Variants in POLI observed in about 807,000 individuals in gnomAD.
POLI encodes RAD30 homolog B.
POLI carries 58 observed loss-of-function variants against 51.6 expected under a neutral mutation model. That is an observed-to-expected ratio of 1.12 (90% CI 0.91 to 1.40). The LOEUF (loss-of-function observed/expected upper bound fraction) is 1.40, where lower values mean the gene tolerates loss of function less well. POLI is among the 40% of genes most tolerant of loss of function. POLI has a pLI of 0.00. For synonymous variants in POLI, 322 were observed against 299.7 expected, an observed-to-expected ratio of 1.07 and a Z score of -0.77; for missense variants, 921 against 871.3, an observed-to-expected ratio of 1.06 and a Z score of -0.72.
intron 1 of POLI, chr18:54,270,946 G>A (rs2086978129): frequency 6.5e-6 from 1 of 154,282 alleles, no homozygotes; most frequent in African/African-American, 2.4e-5. Flanking sequence ...AGTTTTTGTT[G>A]GTTTGTTTGT....
rs1288130416 is a variant in POLI at position 54,296,211 on chromosome 18, G to T, written c.*1744G>T. The stretch of plus-strand genomic sequence containing the variant: ...TGTAATGATTTCAGGACCTTGGACA[G>T]CTAGAAGGGGCTTAAGAAAAAATGG... On this transcript the variant is annotated 3_prime_UTR_variant, in exon 10 of 10. Coordinates refer to ENST00000579534, the MANE Select transcript of POLI (RefSeq NM_007195.3). 5 of 985,184 alleles carry T rather than the reference G, an allele frequency of 5.1e-6. No homozygotes were observed. The highest frequency in any genetic ancestry group is 6.0e-6 in the Non-Finnish European group (5 of 829,812). 61.0% of individuals were successfully genotyped at this position (985,184 alleles called of 1,614,324 possible).
downstream of POLI, among the ~76,000 whole-genome samples, chr18:54,298,943 AC>A (rs2088441449): frequency 6.6e-6 from 1 of 152,168 alleles, no homozygotes; most frequent in African/African-American, 2.4e-5. Flanking sequence ...AAAGTGATCT[AC>A]TTTAGTAAAT....
At chr18:54,316,134 C>T (rs564480014) in intron 3 of POLI, among the ~76,000 whole-genome samples, 1 of 152,092 alleles carries the variant, frequency 6.6e-6, no homozygotes, top group Non-Finnish European at 1.5e-5. Flanking sequence ...AGACTGGTTT[C>T]AAAGTCCTGG....
In POLI at chr18:54,296,396, C is replaced by CT. The variant is rs2088330849; in HGVS notation, c.*1935dup. On this transcript the variant is annotated 3_prime_UTR_variant, in exon 10 of 10. Coordinates refer to ENST00000579534, the MANE Select transcript of POLI (RefSeq NM_007195.3). ...CAACATCTTTGGGCCTCAGAATCAA[C>CT]TTTTTTATGGGATCTTTTTTCTCTG... 3 of 979,086 alleles carry CT rather than the reference C, an allele frequency of 3.1e-6. No homozygotes were observed. The African/African-American group carries it at 5.2e-5, about 17-fold the overall frequency. 60.6% of individuals were successfully genotyped at this position (979,086 alleles called of 1,614,324 possible). A position where few individuals can be genotyped will look rare whatever the true frequency, so the allele number is the denominator to read the frequency against.
chr18:54,272,397 A>G (rs561508841), intron 2 of POLI, among the ~76,000 whole-genome samples: 1 of 152,278 alleles, frequency 6.6e-6, no homozygotes, highest in East Asian at 1.9e-4. Flanking sequence ...TTAAGTACGA[A>G]TGAATGATTA....
intron 3 of POLI, among the ~76,000 whole-genome samples, chr18:54,317,074 TATTG>T (rs1397188395): frequency 6.6e-6 from 1 of 152,198 alleles, no homozygotes; most frequent in East Asian, 1.9e-4. Context: ...TTTGGAAACT[TATTG>T]ATTATGAGTT....
At position 54,280,828 on chromosome 18, in the gene POLI, A is replaced by C. The variant is rs770704738; in HGVS notation, c.721A>C (p.Asn241His). ...ATTAGTTTCTGGTGTCTTTAAACCAAATCAACAAACAGTCTTATTACCTGA... is the reference window on the plus strand; with the variant it reads ...ATTAGTTTCTGGTGTCTTTAAACCACATCAACAAACAGTCTTATTACCTGA... ...AKLVSGVFKPNQQTVLLPESC... is the reference protein window; with the variant it reads ...AKLVSGVFKPHQQTVLLPESC... The change falls in exon 5 of 10, where the codon AAT becomes CAT. Residue 241 changes from asparagine to histidine, a missense_variant. By Grantham distance (68) the Asn-to-His change is moderately conservative. Coordinates refer to ENST00000579534, the MANE Select transcript of POLI (RefSeq NM_007195.3). 6.2e-7 allele frequency: 1 copy of C among 1,613,888 alleles called. No individual in the cohort carries two copies. The highest frequency in any genetic ancestry group is 1.1e-5 in the South Asian group (1 of 91,086).
At position 54,285,530 on chromosome 18, in the gene POLI, G is replaced by A. The variant is rs1051982833; in HGVS notation, c.1067+1517G>A. On this transcript the variant is annotated intron_variant, in intron 7 of 9. Transcript: ENST00000579534. ...AAAAAAAAATTACAGGAGTGTGTGTGTGTGTGTGTGTGTGTGTGTGTGTGT... is the reference window on the plus strand; with the variant it reads ...AAAAAAAAATTACAGGAGTGTGTGTATGTGTGTGTGTGTGTGTGTGTGTGT... Among the ~76,000 whole-genome samples the A allele has an allele frequency of 2.0e-4, 26 of 131,428 alleles. No individual in the cohort carries two copies. In the East Asian group the frequency reaches 5.0e-3, roughly 25 times the overall value. The allele number at this position is 131,428 out of a possible 152,430, so 86.2% of individuals were successfully genotyped here.
intron 8 of POLI, among the ~76,000 whole-genome samples, chr18:54,288,478 C>G (rs1435538149): frequency 2.6e-5 from 4 of 152,100 alleles, no homozygotes; most frequent in Admixed American, 2.6e-4. Flanking sequence ...AGACTATTCT[C>G]CACCCACTGA....
Position 54,293,798 on chromosome 18 carries a change from C to T in POLI, c.1554C>T (p.Phe518=). ...NFSKEKDINE[F]PLCSLPEGVD... ...CTAAAGAAAAAGACATTAATGAATT[C>T]CCACTCTGTTCACTTCCTGAAGGTG... The change falls in exon 10 of 10, where the codon TTC becomes TTT. Residue 518 remains phenylalanine (F), a synonymous_variant. Transcript: ENST00000579534. 1 of 1,607,344 alleles carries T rather than the reference C, an allele frequency of 6.2e-7. No homozygotes were observed. The highest frequency in any genetic ancestry group is 2.2e-5 in the East Asian group (1 of 44,688).
At chr18:54,299,064 C>T (rs1383227118), downstream of POLI, among the ~76,000 whole-genome samples, 1 of 152,118 alleles carries the variant, frequency 6.6e-6, no homozygotes, top group African/African-American at 2.4e-5. Context: ...CATAGCTTAG[C>T]CAGGCCTACC....
intron 1 of POLI, 26 bp downstream of exon 1, chr18:54,269,687 G>A (rs1217173069): frequency 6.7e-7 from 1 of 1,489,120 alleles, no homozygotes; most frequent in Admixed American, 2.4e-5. Flanking sequence ...AGGAGCCAGC[G>A]GCCTCCTTGG....
chr18:54,272,729 C>T (rs968699171), intron 2 of POLI, among the ~76,000 whole-genome samples: 6 of 151,460 alleles, frequency 4.0e-5, no homozygotes, highest in Non-Finnish European at 7.4e-5. Context: ...GCCTTGGCCT[C>T]CCAAAGTGCG....
chr18:54,280,816 G>C lies in POLI; in HGVS notation c.709G>C (p.Val237Leu). 7 of 1,613,702 alleles carry C rather than the reference G, an allele frequency of 4.3e-6. No homozygotes were observed. Among genetic ancestry groups the C allele is most frequent in the Non-Finnish European group, 5.9e-6 (7 of 1,179,724 alleles). The change falls in exon 5 of 10, where the codon GTC (valine) becomes CTC (leucine). Residue 237 changes from valine to leucine, a missense_variant. Coordinates refer to ENST00000579534, the MANE Select transcript of POLI (RefSeq NM_007195.3). ...NKLLAKLVSGVFKPNQQTVLL... is the reference protein window; with the variant it reads ...NKLLAKLVSGLFKPNQQTVLL... ...ACTGTTGGCAAAATTAGTTTCTGGT[G>C]TCTTTAAACCAAATCAACAAACAGT...
At chr18:54,308,148 C>T (rs1259445321) in intron 3 of POLI, among the ~76,000 whole-genome samples, 1 of 151,966 alleles carries the variant, frequency 6.6e-6, no homozygotes, top group Admixed American at 6.6e-5. Flanking sequence ...TTATTTTGCC[C>T]GTTAGTTGAT....
At chr18:54,290,592 G>A (rs954249855) in intron 8 of POLI, among the ~76,000 whole-genome samples, 4 of 152,258 alleles carry the variant, frequency 2.6e-5, no homozygotes, top group African/African-American at 9.6e-5. Flanking sequence ...ATGTCCATCA[G>A]TAATAGACTG....
rs1290949451 is a variant in POLI at position 54,271,226 on chromosome 18, T to A, written c.116-134T>A. ...TCATGTCTTTGTAATTTTTCGATGC[T>A]TTCACACATAATCCAGGAGAAAACA... On this transcript the variant is annotated intron_variant, in intron 1 of 9. Coordinates refer to ENST00000579534, the MANE Select transcript of POLI (RefSeq NM_007195.3). The A allele has an allele frequency of 4.5e-6, 3 of 673,492 alleles. No individual in the cohort carries two copies. The Admixed American group carries it at 1.0e-4, about 23-fold the overall frequency. 41.7% of individuals were successfully genotyped at this position (673,492 alleles called of 1,614,324 possible).
chr18:54,291,019 A>G (rs1335540867), intron 8 of POLI, among the ~76,000 whole-genome samples: 1 of 152,136 alleles, frequency 6.6e-6, no homozygotes, highest in African/African-American at 2.4e-5. Context: ...TTGAATTTTA[A>G]TTTCTGCTAG....
rs146228001 is a variant in POLI at position 54,294,655 on chromosome 18, T to C, written c.*188T>C. On this transcript the variant is annotated 3_prime_UTR_variant, in exon 10 of 10. Transcript: ENST00000579534. ...CGTAAAAATATAACAGAAGAAATAA[T>C]GTAAAATACTATCTTTTATGTCTAA... is the stretch of plus-strand genomic sequence containing the variant. 6.0e-4 allele frequency: 755 copies of C among 1,252,252 alleles called. 1 individual carries two copies. Among genetic ancestry groups the C allele is most frequent in the South Asian group, 2.9e-3 (90 of 31,524 alleles). 77.6% of individuals were successfully genotyped at this position (1,252,252 alleles called of 1,614,324 possible). A position where few individuals can be genotyped will look rare whatever the true frequency, so the allele number is the denominator to read the frequency against.
Sources: gnomAD v4.1 joint callset for allele counts (sites outside exome capture counted in the v4.1 genomes callset) on GRCh38, gnomAD v4.1.1 for gene constraint, MANE v1.5 for transcripts, NCBI Gene and HGNC (gene_info 2026-07-23, HGNC 2026-07-21) for gene names.